COX15: variants seen among roughly 807,000 people sequenced by gnomAD.
COX15 encodes the protein heme A synthase COX15.
Under a neutral mutation model 51.9 loss-of-function variants are expected in COX15, and 51 were observed. The observed-to-expected ratio is 0.98, with a 90% CI of 0.78 to 1.24. The LOEUF (loss-of-function observed/expected upper bound fraction) is 1.24, where lower values mean the gene tolerates loss of function less well. COX15 is among the 50% of genes most tolerant of loss of function. The pLI is 0.00. For missense variants in COX15, 420 were observed against 501.1 expected (o/e 0.84, Z 1.55); for synonymous variants, 188 against 190.5 (o/e 0.99, Z 0.11).
In COX15 at chr10:99,716,423, G is replaced by T; in HGVS notation, c.1026C>A (p.Phe342Leu). 1 of 1,613,942 alleles carries T rather than the reference G, an allele frequency of 6.2e-7. No individual in the cohort carries two copies. The highest frequency in any genetic ancestry group is 1.1e-5 in the South Asian group (1 of 91,080). The change falls in exon 8 of 9, where the codon TTC becomes TTA. Residue 342 changes from phenylalanine to leucine, a missense_variant. Phe to Leu is a conservative substitution (Grantham distance 22). Coordinates refer to ENST00000016171, the MANE Select transcript of COX15 (RefSeq NM_078470.6). The stretch of plus-strand genomic sequence containing the variant: ...TAGGAAGGGGAATTCTCCGAGAGAG[G>T]AAGTAGAGCACTGTAATGGCAGTGA... The part of the protein sequence containing the change: ...TSVTAITVLY[F>L]LSRRIPLPRR...
In COX15 at chr10:99,721,050, G is replaced by C; in HGVS notation, c.769C>G (p.Leu257Val). Residue 257 changes from leucine (L) to valine (V), a missense_variant, in exon 6 of 9, where the codon CTC becomes GTC. Transcript: ENST00000016171. ...PPHKLPETHQ[L>V]LQLRRFAHGT... is the part of the protein sequence containing the mutation. ...TGAGCAAATCGTCTCAACTGTAGGAGTTGGTGGGTTTCAGGCAACTAAATA... is the reference window on the plus strand; with the variant it reads ...TGAGCAAATCGTCTCAACTGTAGGACTTGGTGGGTTTCAGGCAACTAAATA... 6.2e-7 allele frequency: 1 copy of C among 1,613,448 alleles called. No individual in the cohort carries two copies. The highest frequency in any genetic ancestry group is 8.5e-7 in the Non-Finnish European group (1 of 1,179,802).
At chr10:99,729,157 TGCTC>T (rs2037054424) in intron 2 of COX15, among the ~76,000 whole-genome samples, 1 of 152,186 alleles carries the variant, frequency 6.6e-6, no homozygotes, top group Non-Finnish European at 1.5e-5. Flanking sequence ...CTAGACTAGA[TGCTC>T]TGTAAAATTC....
chr10:99,703,322 C>A, the COX15 span, among the ~76,000 whole-genome samples: 1 of 152,174 alleles, frequency 6.6e-6, no homozygotes, highest in Non-Finnish European at 1.5e-5. Context: ...AAACTCAATA[C>A]CGTCAGCAGC....
Position 99,727,546 on chromosome 10 carries a change from A to G in COX15, c.290T>C (p.Leu97Pro), listed in dbSNP as rs1345926308. ...TATTAAATGCCAATCTACCATCGAG[A>G]GGCCAGACTCTGTCAACCTTAGGAT... ...GGVTRLTESG[L>P]SMVDWHLIKE... is the part of the protein sequence containing the mutation. The change falls in exon 3 of 9, where the codon CTC (leucine) becomes CCC (proline). Residue 97 changes from leucine to proline, a missense_variant. Coordinates refer to ENST00000016171, the MANE Select transcript of COX15 (RefSeq NM_078470.6). 6.2e-7 allele frequency: 1 copy of G among 1,613,594 alleles called. No individual in the cohort carries two copies. Among genetic ancestry groups the G allele is most frequent in the Non-Finnish European group, 8.5e-7 (1 of 1,180,024 alleles).
intron 8 of COX15, among the ~76,000 whole-genome samples, chr10:99,715,011 G>C (rs2036521011): frequency 1.3e-5 from 2 of 152,110 alleles, no homozygotes. Context: ...TAAATATATA[G>C]TTTTGTGCTT....
chr10:99,720,454 G>A (rs1350726182), intron 6 of COX15, among the ~76,000 whole-genome samples: 2 of 151,990 alleles, frequency 1.3e-5, no homozygotes, highest in East Asian at 1.9e-4. Flanking sequence ...TCAAAAAAAA[G>A]AATGAAAAAA....
chr10:99,727,161 G>A lies in COX15; in HGVS notation c.396-7C>T, dbSNP rs1264007038. ...TGTCATATCATGATTCAAGCTGGGT[G>A]AAATGGAAAGTCAAAAAAGGAGGAG... On this transcript the variant is annotated splice_region_variant and splice_polypyrimidine_tract_variant and intron_variant, in intron 3 of 8. Transcript: ENST00000016171. 1.9e-6 allele frequency: 3 copies of A among 1,613,766 alleles called. No homozygotes were observed. The Admixed American group carries it at 5.0e-5, about 27-fold the overall frequency.
the COX15 span, among the ~76,000 whole-genome samples, chr10:99,704,290 G>A: frequency 6.6e-6 from 1 of 152,196 alleles, no homozygotes; most frequent in Non-Finnish European, 1.5e-5. Context: ...TCCTGGGGCG[G>A]GGGATGTTCT....
chr10:99,716,608 C>G (rs920646377), intron 7 of COX15, 147 bp from the exon 8 acceptor site: 1 of 632,696 alleles, frequency 1.6e-6, no homozygotes, highest in African/African-American at 1.8e-5. Context: ...CCAGCCTGAT[C>G]ACTCCTCCAC....
At chr10:99,719,219 T>C (rs527509867) in intron 6 of COX15, among the ~76,000 whole-genome samples, 17 of 152,268 alleles carry the variant, frequency 1.1e-4, no homozygotes, top group African/African-American at 3.1e-4. Context: ...CACTCGCTTT[T>C]TTCTTTCTTT....
In COX15 at chr10:99,721,049, A is replaced by G; in HGVS notation, c.770T>C (p.Leu257Pro). ...ATGAGCAAATCGTCTCAACTGTAGG[A>G]GTTGGTGGGTTTCAGGCAACTAAAT... is the stretch of plus-strand genomic sequence containing the variant. Reference protein sequence around the residue: ...PPHKLPETHQLLQLRRFAHGT... With the variant: ...PPHKLPETHQPLQLRRFAHGT... The change falls in exon 6 of 9, where the codon CTC becomes CCC. Residue 257 changes from leucine (L) to proline (P), a missense_variant. By Grantham distance (98) the Leu-to-Pro change is moderately conservative. Coordinates refer to ENST00000016171, the MANE Select transcript of COX15 (RefSeq NM_078470.6). 1 of 1,613,478 alleles carries G rather than the reference A, an allele frequency of 6.2e-7. No individual in the cohort carries two copies. The highest frequency in any genetic ancestry group is 8.5e-7 in the Non-Finnish European group (1 of 1,179,810).
intron 6 of COX15, among the ~76,000 whole-genome samples, chr10:99,718,713 C>T (rs1281542946): frequency 6.6e-6 from 1 of 152,176 alleles, no homozygotes; most frequent in Non-Finnish European, 1.5e-5. Flanking sequence ...TGCTCCCACC[C>T]CAAGATTCTG....
At chr10:99,698,614 T>C in the COX15 span, 8 of 1,614,100 alleles carry the variant, frequency 5.0e-6, no homozygotes, top group Non-Finnish European at 6.8e-6. Flanking sequence ...ACAGATGTGG[T>C]GGAGAGGAAC....
chr10:99,722,473 G>A (rs1236261021), intron 5 of COX15, among the ~76,000 whole-genome samples: 1 of 152,076 alleles, frequency 6.6e-6, no homozygotes. Context: ...AGCTATAGAT[G>A]CAGGCAAAAT....
intron 5 of COX15, among the ~76,000 whole-genome samples, chr10:99,721,899 T>C (rs1301158374): frequency 1.3e-5 from 2 of 152,194 alleles, no homozygotes; most frequent in Non-Finnish European, 2.9e-5. Context: ...TTTCTCACTT[T>C]GTCGCCCAGA....
intron 5 of COX15, chr10:99,723,000 C>T (rs2036827069): frequency 6.6e-6 from 1 of 152,166 alleles, no homozygotes; most frequent in Non-Finnish European, 1.5e-5. Context: ...GCCAAGACAA[C>T]ACGTCCAGTC....
chr10:99,723,780 T>C (rs1387807106), intron 5 of COX15, among the ~76,000 whole-genome samples, 176 bp downstream of exon 5: 2 of 152,212 alleles, frequency 1.3e-5, no homozygotes, highest in African/African-American at 4.8e-5. Context: ...GACTGGGATA[T>C]TTCTTGTTGT....
At chr10:99,704,351 G>A in the COX15 span, 3 of 1,142,810 alleles carry the variant, frequency 2.6e-6, no homozygotes, top group Non-Finnish European at 3.8e-6. Flanking sequence ...TTATGTGGAT[G>A]GAATAAATGT....
chr10:99,704,448 C>T, the COX15 span: 4 of 1,614,136 alleles, frequency 2.5e-6, no homozygotes, highest in South Asian at 2.2e-5. Context: ...TAATTCTTCC[C>T]TAGGGATCTT....
Sources: gnomAD v4.1 joint callset for allele counts (sites outside exome capture counted in the v4.1 genomes callset) on GRCh38, gnomAD v4.1.1 for gene constraint, MANE v1.5 for transcripts, NCBI Gene and HGNC (gene_info 2026-07-23, HGNC 2026-07-21) for gene names.